DKC1: variants seen among roughly 807,000 people sequenced by gnomAD.
DKC1 encodes the protein dyskerin pseudouridine synthase 1.
Under a neutral mutation model 46.7 loss-of-function variants are expected in DKC1, and 4 were observed. The ratio of observed to expected loss-of-function variants is 0.09; its 90% confidence interval spans 0.04 to 0.20. The LOEUF (loss-of-function observed/expected upper bound fraction) is 0.20. Ranked by LOEUF, DKC1 falls within the 10% of genes least tolerant of loss-of-function variation. The probability of loss-of-function intolerance (pLI) is 1.00; values close to 1 mark genes in which losing one functional copy is unlikely to be tolerated. For synonymous variants in DKC1, 141 were observed against 142.4 expected (o/e 0.99, Z 0.07); for missense variants, 171 against 404.2 (o/e 0.42, Z 4.95).
intron 11 of DKC1, among the ~76,000 whole-genome samples, chrX:154,774,097 T>TA (rs1436399725): frequency 1.8e-5 from 2 of 112,392 alleles, no homozygotes; most frequent in South Asian, 3.7e-4. Flanking sequence ...TCTTGGGCCT[T>TA]AGAGATTTCA....
At chrX:154,770,432 A>G (rs1335962590) in intron 9 of DKC1, among the ~76,000 whole-genome samples, 2 of 98,052 alleles carry the variant, frequency 2.0e-5, no homozygotes, top group African/African-American at 7.5e-5. Context: ...ACTGCACTCC[A>G]CCCTGGACAA....
chrX:154,769,062 G>T, intron 8 of DKC1, 105 bp from the exon 9 acceptor site: 3 of 567,172 alleles, frequency 5.3e-6, no homozygotes, highest in Middle Eastern at 3.8e-4. Flanking sequence ...AAGACATAAT[G>T]AGCTTGGACT....
chrX:154,773,689 C>T (rs1445982151), intron 11 of DKC1, among the ~76,000 whole-genome samples: 1 of 111,737 alleles, frequency 8.9e-6, no homozygotes, highest in Non-Finnish European at 1.9e-5. Flanking sequence ...GAAAAGTCTC[C>T]CATGTCTACT....
intron 3 of DKC1, 57 bp from the exon 4 acceptor site, chrX:154,765,850 T>G (rs2071738351): frequency 4.1e-6 from 4 of 969,968 alleles, no homozygotes; most frequent in African/African-American, 1.9e-5. Flanking sequence ...ACTGACTCTT[T>G]TTTTACATGT....
chrX:154,773,956 G>A (rs903784758), intron 11 of DKC1, among the ~76,000 whole-genome samples: 8 of 111,300 alleles, frequency 7.2e-5, no homozygotes, highest in East Asian at 2.9e-4. Context: ...CCTCCCTCCC[G>A]GATGGGGCGG....
rs782080949 is a variant in DKC1, at chrX:154,762,944, C to T, written c.-22C>T. The T allele has an allele frequency of 1.0e-5, 12 of 1,178,173 alleles. No homozygotes were observed. Among genetic ancestry groups the T allele is most frequent in the East Asian group, 9.4e-5 (3 of 31,812 alleles). ...GTTCCCTCGGCTGTGGACCGGGCGG[C>T]ACGCACGCGGTGCAGGGTAACATGG... On this transcript the variant is annotated 5_prime_UTR_variant, in exon 1 of 15. Transcript: ENST00000369550.
chrX:154,773,868 G>T (rs1603429649), intron 11 of DKC1, among the ~76,000 whole-genome samples: 1 of 112,069 alleles, frequency 8.9e-6, no homozygotes, highest in East Asian at 2.8e-4. Flanking sequence ...TCACTTCCCA[G>T]TAGGGGCGGC....
In DKC1 at chrX:154,775,242, A is replaced by G. The variant is rs1283758158; in HGVS notation, c.1307A>G (p.Gln436Arg). The change falls in exon 13 of 15, where the codon CAG becomes CGG. Residue 436 changes from glutamine to arginine, a missense_variant. Gln to Arg is a conservative substitution (Grantham distance 43). Coordinates refer to ENST00000369550, the MANE Select transcript of DKC1 (RefSeq NM_001363.5). ...EVVAEVVKAP[Q>R]VVAEAAKTAK... is the part of the protein sequence containing the mutation. ...GTTGCTGAAGTGGTAAAAGCCCCGC[A>G]GGTAGTTGCCGAAGCAGCAAAAACT... 8.3e-7 allele frequency: 1 copy of G among 1,210,693 alleles called. No homozygotes were observed. The highest frequency in any genetic ancestry group is 1.1e-6 in the Non-Finnish European group (1 of 895,376).
intron 2 of DKC1, 73 bp downstream of exon 2, chrX:154,765,039 AGTGTTTTTAAAG>A: frequency 1.1e-6 from 1 of 942,389 alleles, no homozygotes; most frequent in Non-Finnish European, 1.5e-6. Context: ...AAAGGAAAGA[AGTGTTTTTAAAG>A]GTTTCCAAGG....
intron 7 of DKC1, chrX:154,768,032 A>C (rs1175936769): frequency 9.6e-6 from 3 of 311,636 alleles, no homozygotes; most frequent in African/African-American, 8.3e-5. Flanking sequence ...TTGTACATTT[A>C]GTAGAGACGG....
intron 13 of DKC1, 57 bp from the exon 14 acceptor site, chrX:154,776,130 C>T (rs2071892305): frequency 1.7e-6 from 2 of 1,197,320 alleles, no homozygotes; most frequent in African/African-American, 1.7e-5. Flanking sequence ...ACTCACTGAA[C>T]CTTTCTTGTC....
At chrX:154,769,712 ATTAT>A (rs782326438) in intron 9 of DKC1, among the ~76,000 whole-genome samples, 2 of 112,727 alleles carry the variant, frequency 1.8e-5, no homozygotes, top group Admixed American at 9.3e-5. Context: ...GTAGTTGGTA[ATTAT>A]TTATATTCAA....
Position 154,772,850 on chromosome X carries a change from C to G in DKC1, c.1037-281C>G, listed in dbSNP as rs782072038. 4.5e-5 allele frequency among the ~76,000 whole-genome samples: 5 copies of G among 111,744 alleles called. No homozygotes were observed. The East Asian group carries it at 1.4e-3, about 31-fold the overall frequency. On this transcript the variant is annotated intron_variant, in intron 10 of 14. Transcript: ENST00000369550. ...GTGGCCCCAAAGGGAGTGTGCATGCCGTTCTTATAGACGTCTTGAGCTGCA... is the reference window on the plus strand; with the variant it reads ...GTGGCCCCAAAGGGAGTGTGCATGCGGTTCTTATAGACGTCTTGAGCTGCA...
intron 13 of DKC1, 188 bp downstream of exon 13, chrX:154,775,461 A>G: frequency 2.0e-6 from 1 of 498,162 alleles, no homozygotes; most frequent in Non-Finnish European, 3.6e-6. Context: ...GGCTCCTCTG[A>G]TTTGTATTCT....
intron 7 of DKC1, chrX:154,767,985 G>A: frequency 3.7e-6 from 1 of 269,014 alleles, no homozygotes; most frequent in Non-Finnish European, 6.8e-6. Context: ...CAAGTAGCTG[G>A]GACTATAGGC....
intron 1 of DKC1, among the ~76,000 whole-genome samples, chrX:154,764,114 T>C (rs5987021): frequency 0.041 from 4,465 of 108,400 alleles, 240 homozygotes; most frequent in African/African-American, 0.14. Context: ...GAGCCGAGTT[T>C]CTGCCACTGC....
chrX:154,775,589 G>T (rs918527272), intron 13 of DKC1, among the ~76,000 whole-genome samples: 8 of 112,185 alleles, frequency 7.1e-5, no homozygotes, highest in African/African-American at 2.6e-4. Flanking sequence ...TGTCAATTCT[G>T]GCCCCCGCCC....
intron 5 of DKC1, 29 bp from the exon 6 acceptor site, chrX:154,766,968 C>CA (rs782336767): frequency 8.4e-7 from 1 of 1,196,637 alleles, no homozygotes; most frequent in African/African-American, 1.8e-5. Context: ...TCAGTGGCCA[C>CA]ACCTGACTAC....
At chrX:154,763,062 G>T in intron 1 of DKC1, 81 bp downstream of exon 1, 5 of 1,077,592 alleles carry the variant, frequency 4.6e-6, no homozygotes, top group Non-Finnish European at 6.3e-6. Flanking sequence ...CGGGGCCCGC[G>T]CACGCCTCCC....
Sources: gnomAD v4.1 joint callset for allele counts (sites outside exome capture counted in the v4.1 genomes callset) on GRCh38, gnomAD v4.1.1 for gene constraint, MANE v1.5 for transcripts, NCBI Gene and HGNC (gene_info 2026-07-23, HGNC 2026-07-21) for gene names.